MSTO1: variants seen among roughly 807,000 people sequenced by gnomAD.
MSTO1 encodes the protein misato mitochondrial distribution and morphology regulator 1, also known as protein misato homolog 1.
In MSTO1, 24 loss-of-function variants were observed where a neutral mutation model predicts 55.7. The observed-to-expected ratio is 0.43, with a 90% CI of 0.31 to 0.61. The LOEUF (loss-of-function observed/expected upper bound fraction) is 0.61. Among genes scored for constraint, MSTO1 ranks in the 20% least tolerant of loss-of-function variants. The pLI is 0.09. For missense variants in MSTO1, 363 were observed against 625.7 expected (o/e 0.58, Z 4.48); for synonymous variants, 162 against 252.8 (o/e 0.64, Z 3.41).
rs1675202857 is a variant in MSTO1 at position 155,614,510 on chromosome 1, G to A, written c.*237G>A. 1.4e-5 allele frequency: 9 copies of A among 644,728 alleles called. No individual in the cohort carries two copies. Among genetic ancestry groups the A allele is most frequent in the Non-Finnish European group, 2.5e-5 (9 of 365,386 alleles). 39.9% of individuals were successfully genotyped at this position (644,728 alleles called of 1,614,324 possible). ...TCGATGCTACTTACAGAGGACATCT[G>A]TAAAGTCTTCATAAAAGACCTTGAA... is the stretch of plus-strand genomic sequence containing the variant. On this transcript the variant is annotated 3_prime_UTR_variant, in exon 14 of 14. Coordinates refer to ENST00000245564, the MANE Select transcript of MSTO1 (RefSeq NM_018116.4).
upstream of MSTO1, among the ~76,000 whole-genome samples, chr1:155,606,197 CCTTTTTTTTTT>C (rs1672931467): frequency 1.9e-5 from 1 of 53,294 alleles, no homozygotes; most frequent in African/African-American, 7.1e-5. Flanking sequence ...CCATGCCCAG[CCTTTTTTTTTT>C]TTTTTTTTTT....
the MSTO1 span, among the ~76,000 whole-genome samples, chr1:155,577,665 G>A: frequency 6.6e-6 from 1 of 152,178 alleles, no homozygotes; most frequent in African/African-American, 2.4e-5. Context: ...AGATGTATGA[G>A]TCCTTTAAAT....
At chr1:155,575,204 C>A in the MSTO1 span, among the ~76,000 whole-genome samples, 1 of 150,840 alleles carries the variant, frequency 6.6e-6, no homozygotes, top group Non-Finnish European at 1.5e-5. Flanking sequence ...TAAATGAGTT[C>A]TTTGACCCTC....
At chr1:155,586,244 T>C in the MSTO1 span, among the ~76,000 whole-genome samples, 1 of 146,856 alleles carries the variant, frequency 6.8e-6, no homozygotes, top group African/African-American at 2.5e-5. Context: ...GGTTTCACCA[T>C]GTTGGCCAGG....
chr1:155,599,401 A>G, the MSTO1 span, among the ~76,000 whole-genome samples: 4 of 152,168 alleles, frequency 2.6e-5, no homozygotes, highest in Non-Finnish European at 5.9e-5. Context: ...AGAGGTCACC[A>G]CGGGGTTTTT....
At chr1:155,574,541 A>G in the MSTO1 span, among the ~76,000 whole-genome samples, 6 of 152,122 alleles carry the variant, frequency 3.9e-5, no homozygotes, top group Non-Finnish European at 8.8e-5. Flanking sequence ...CTACGTTTGC[A>G]ACTCATCTGT....
the MSTO1 span, among the ~76,000 whole-genome samples, chr1:155,577,388 G>A: frequency 1.3e-5 from 2 of 151,918 alleles, no homozygotes; most frequent in Non-Finnish European, 2.9e-5. Context: ...ACGCCCGGCC[G>A]CCCCCTCCAA....
chr1:155,579,238 G>C, the MSTO1 span, among the ~76,000 whole-genome samples: 1 of 151,918 alleles, frequency 6.6e-6, no homozygotes, highest in Admixed American at 6.6e-5. Context: ...GCTTGAACCC[G>C]GGAGGCAGAG....
upstream of MSTO1, among the ~76,000 whole-genome samples, chr1:155,608,980 C>T (rs114710899): frequency 6.6e-6 from 1 of 150,708 alleles, no homozygotes; most frequent in Non-Finnish European, 1.5e-5. Flanking sequence ...CCCGCCACCA[C>T]GCCCGGCTAC....
At chr1:155,590,826 G>A in the MSTO1 span, 98 of 1,607,472 alleles carry the variant, frequency 6.1e-5, no homozygotes, top group Non-Finnish European at 7.8e-5. Context: ...GGTTATAGAA[G>A]TCCCAGATGA....
At chr1:155,609,947 C>G (rs972404837), upstream of MSTO1, 2 of 444,830 alleles carry the variant, frequency 4.5e-6, no homozygotes, top group African/African-American at 2.1e-5. Context: ...TTCCACGGCC[C>G]GCGCCCTGGC....
the MSTO1 span, among the ~76,000 whole-genome samples, chr1:155,589,924 A>C: frequency 1.3e-5 from 2 of 151,626 alleles, no homozygotes; most frequent in African/African-American, 4.9e-5. Flanking sequence ...ACAGCCTTTA[A>C]TCCAATCAAG....
chr1:155,592,083 A>T, the MSTO1 span, among the ~76,000 whole-genome samples: 1 of 152,348 alleles, frequency 6.6e-6, no homozygotes, highest in East Asian at 1.9e-4. Context: ...AGTAGCGTTT[A>T]AGTAGTACTA....
the MSTO1 span, among the ~76,000 whole-genome samples, chr1:155,580,527 G>A: frequency 6.6e-6 from 1 of 151,988 alleles, no homozygotes; most frequent in Non-Finnish European, 1.5e-5. Context: ...TAGTCTTTGG[G>A]ATACCTTTCT....
At chr1:155,580,048 C>G in the MSTO1 span, among the ~76,000 whole-genome samples, 1 of 150,774 alleles carries the variant, frequency 6.6e-6, no homozygotes, top group South Asian at 2.1e-4. Flanking sequence ...TGCCCTCCAG[C>G]CTGGGCAACA....
At chr1:155,597,144 C>A in the MSTO1 span, among the ~76,000 whole-genome samples, 2 of 151,118 alleles carry the variant, frequency 1.3e-5, no homozygotes, top group Admixed American at 6.6e-5. Flanking sequence ...GAATACCAGA[C>A]CTTATCCACT....
the MSTO1 span, among the ~76,000 whole-genome samples, chr1:155,578,505 ATCTTTT>A: frequency 7.7e-6 from 1 of 130,184 alleles, no homozygotes; most frequent in Non-Finnish European, 1.6e-5. Flanking sequence ...CGCCCGGCTA[ATCTTTT>A]TTTTTTTTTT....
the MSTO1 span, among the ~76,000 whole-genome samples, chr1:155,604,998 C>T: frequency 1.3e-4 from 20 of 151,102 alleles, no homozygotes; most frequent in Non-Finnish European, 2.5e-4. Flanking sequence ...CGGTGGCTCA[C>T]GCCTGTAATC....
At chr1:155,606,198 C>CTTTTTTTCTT, upstream of MSTO1, among the ~76,000 whole-genome samples, 1 of 28,090 alleles carries the variant, frequency 3.6e-5, no homozygotes, top group Non-Finnish European at 7.1e-5. Flanking sequence ...CATGCCCAGC[C>CTTTTTTTCTT]TTTTTTTTTT....
Sources: gnomAD v4.1 joint callset for allele counts (sites outside exome capture counted in the v4.1 genomes callset) on GRCh38, gnomAD v4.1.1 for gene constraint, MANE v1.5 for transcripts, NCBI Gene and HGNC (gene_info 2026-07-23, HGNC 2026-07-21) for gene names.